The following ASTN1 variants were observed in gnomAD, a reference collection of about 807,000 sequenced individuals.
ASTN1 encodes the protein astrotactin 1.
ASTN1 carries 41 observed loss-of-function variants against 140.7 expected under a neutral mutation model. That is an observed-to-expected ratio of 0.29 (90% confidence interval 0.23 to 0.38). The LOEUF (loss-of-function observed/expected upper bound fraction) is 0.38, where lower values mean the gene tolerates loss of function less well. ASTN1 is among the 10% of genes least tolerant of loss of function. The probability of loss-of-function intolerance (pLI) is 1.00; values close to 1 mark genes in which losing one functional copy is unlikely to be tolerated. For synonymous variants in ASTN1, 640 were observed against 652.2 expected, an observed-to-expected ratio of 0.98 and a Z score of 0.29; for missense variants, 1,479 against 1,678.8, an observed-to-expected ratio of 0.88 and a Z score of 2.08.
In ASTN1 at chr1:176,869,045, G is replaced by A; in HGVS notation, c.3464-18C>T. On this transcript the variant is annotated intron_variant, in intron 21 of 22. Transcript: ENST00000361833. ...TGCTATTTCTGAGGAAGGAGGAAAA[G>A]GAAAATAAGTTATTTACATATATAT... 7 of 1,529,748 alleles carry A rather than the reference G, an allele frequency of 4.6e-6. No individual in the cohort carries two copies. Among genetic ancestry groups the A allele is most frequent in the South Asian group, 1.3e-5 (1 of 76,632 alleles). The allele number at this position is 1,529,748 out of a possible 1,614,324, so 94.8% of individuals were successfully genotyped here. A position where few individuals can be genotyped will look rare whatever the true frequency, so the allele number is the denominator to read the frequency against.
intron 16 of ASTN1, among the ~76,000 whole-genome samples, chr1:176,918,942 C>T (rs941613016): frequency 6.6e-6 from 1 of 152,158 alleles, no homozygotes; most frequent in Non-Finnish European, 1.5e-5. Flanking sequence ...CTGGCCATTT[C>T]CTCTTCCTGA....
At chr1:177,067,849 A>G (rs1678441831) in intron 1 of ASTN1, among the ~76,000 whole-genome samples, 1 of 152,156 alleles carries the variant, frequency 6.6e-6, no homozygotes, top group Non-Finnish European at 1.5e-5. Flanking sequence ...GAGAGGAGGA[A>G]CAAAGTCAGG....
At chr1:176,925,909 C>T (rs1445417218) in intron 16 of ASTN1, among the ~76,000 whole-genome samples, 3 of 151,706 alleles carry the variant, frequency 2.0e-5, no homozygotes, top group African/African-American at 7.3e-5. Flanking sequence ...GGGTTCATGC[C>T]ATTCTCTTGC....
At position 176,863,052 on chromosome 1, in the gene ASTN1, C is replaced by G. The variant is rs1668018517; in HGVS notation, c.*1232G>C. 3 of 985,498 alleles carry G rather than the reference C, an allele frequency of 3.0e-6. No individual in the cohort carries two copies. Among genetic ancestry groups the G allele is most frequent in the Non-Finnish European group, 3.6e-6 (3 of 829,964 alleles). 61.0% of individuals were successfully genotyped at this position (985,498 alleles called of 1,614,324 possible). On this transcript the variant is annotated 3_prime_UTR_variant, in exon 23 of 23. Coordinates refer to ENST00000361833, the MANE Select transcript of ASTN1 (RefSeq NM_004319.3). Reference sequence around the variant, plus strand: ...AAGGCTGGGCTTCCTGTTGGCTGGGCCACCATTCATGACCATGCCAATGCT... The same window carrying G: ...AAGGCTGGGCTTCCTGTTGGCTGGGGCACCATTCATGACCATGCCAATGCT...
intron 13 of ASTN1, 49 bp downstream of exon 13, chr1:176,945,877 A>G: frequency 2.0e-6 from 3 of 1,519,506 alleles, no homozygotes; most frequent in Non-Finnish European, 2.7e-6. Flanking sequence ...TCTTTAGAGA[A>G]AGTCCACCAA....
intron 17 of ASTN1, among the ~76,000 whole-genome samples, chr1:176,888,449 T>C (rs1227355051): frequency 2.6e-5 from 4 of 152,216 alleles, no homozygotes; most frequent in African/African-American, 9.7e-5. Context: ...GGTAATGGGC[T>C]GCCACTTTGG....
chr1:176,897,800 C>A (rs1223385931), intron 16 of ASTN1, among the ~76,000 whole-genome samples: 4 of 152,098 alleles, frequency 2.6e-5, no homozygotes, highest in Non-Finnish European at 5.9e-5. Flanking sequence ...GGGAAAATAA[C>A]CCCTACCCCC....
intron 8 of ASTN1, among the ~76,000 whole-genome samples, chr1:177,003,775 G>A (rs1279675864): frequency 6.6e-6 from 1 of 150,970 alleles, no homozygotes; most frequent in Admixed American, 6.6e-5. Flanking sequence ...TTGCCCCACT[G>A]CACTCCAGCC....
rs904736512 is a variant in ASTN1 at position 177,055,233 on chromosome 1, C to T, written c.471+5845G>A. On this transcript the variant is annotated intron_variant, in intron 2 of 22. Coordinates refer to ENST00000361833, the MANE Select transcript of ASTN1 (RefSeq NM_004319.3). The stretch of plus-strand genomic sequence containing the variant: ...TCTTTCTGCTACATCTCAGCTCTCA[C>T]TTTACTAGAATATGAAAGGGCACCA... 5.3e-5 allele frequency among the ~76,000 whole-genome samples: 8 copies of T among 152,226 alleles called. No individual in the cohort carries two copies. In the South Asian group the frequency reaches 1.7e-3, roughly 32 times the overall value.
At chr1:177,088,444 G>A (rs1156644760) in intron 1 of ASTN1, among the ~76,000 whole-genome samples, 1 of 152,130 alleles carries the variant, frequency 6.6e-6, no homozygotes, top group African/African-American at 2.4e-5. Flanking sequence ...GGTTGAAATA[G>A]CCCTGACATT....
At chr1:176,908,628 C>T (rs1182450098) in intron 16 of ASTN1, among the ~76,000 whole-genome samples, 1 of 152,124 alleles carries the variant, frequency 6.6e-6, no homozygotes, top group Non-Finnish European at 1.5e-5. Flanking sequence ...CCTTCAGTTG[C>T]CATATCTGTA....
intron 1 of ASTN1, among the ~76,000 whole-genome samples, chr1:177,118,127 G>T (rs957783385): frequency 3.9e-5 from 6 of 152,112 alleles, no homozygotes; most frequent in Non-Finnish European, 8.8e-5. Flanking sequence ...AATAGGACTT[G>T]TTCTTTTTGA....
chr1:176,922,556 CAAAAAAAAAAAAA>C (rs71129589), intron 16 of ASTN1, among the ~76,000 whole-genome samples: 1 of 77,614 alleles, frequency 1.3e-5, no homozygotes, highest in Admixed American at 1.7e-4. Flanking sequence ...GCCCCCACTG[CAAAAAAAAAAAAA>C]AAAAAAAAAA....
chr1:177,067,900 T>C (rs189167815), intron 1 of ASTN1, among the ~76,000 whole-genome samples: 1 of 151,308 alleles, frequency 6.6e-6, no homozygotes, highest in East Asian at 1.9e-4. Flanking sequence ...ACAATGGCCC[T>C]TGGACTGAGC....
At chr1:177,060,881 G>A (rs1215116089) in intron 2 of ASTN1, among the ~76,000 whole-genome samples, 197 bp downstream of exon 2, 1 of 152,142 alleles carries the variant, frequency 6.6e-6, no homozygotes, top group African/African-American at 2.4e-5. Flanking sequence ...TTGGGGAATG[G>A]TACTGTTAGA....
intron 1 of ASTN1, among the ~76,000 whole-genome samples, chr1:177,081,651 C>T (rs376268890): frequency 1.3e-5 from 2 of 152,088 alleles, no homozygotes; most frequent in Admixed American, 1.3e-4. Context: ...GCAGTGATGG[C>T]AGGGTGCCTT....
At chr1:177,110,403 C>A (rs1680766107) in intron 1 of ASTN1, among the ~76,000 whole-genome samples, 2 of 152,154 alleles carry the variant, frequency 1.3e-5, no homozygotes, top group Non-Finnish European at 2.9e-5. Context: ...GCTGGAGTGT[C>A]TAACATAACA....
At chr1:176,923,823 A>G (rs1159065058) in intron 16 of ASTN1, among the ~76,000 whole-genome samples, 2 of 152,232 alleles carry the variant, frequency 1.3e-5, no homozygotes, top group Non-Finnish European at 2.9e-5. Flanking sequence ...TGAAGTACTC[A>G]TCCCAAAAGA....
intron 9 of ASTN1, among the ~76,000 whole-genome samples, chr1:176,964,405 G>A (rs1672787823): frequency 1.3e-5 from 2 of 152,202 alleles, no homozygotes; most frequent in Non-Finnish European, 2.9e-5. Flanking sequence ...AAGGAACTCA[G>A]CAAATGTATG....
Sources: gnomAD v4.1 joint callset for allele counts (sites outside exome capture counted in the v4.1 genomes callset) on GRCh38, gnomAD v4.1.1 for gene constraint, MANE v1.5 for transcripts, NCBI Gene and HGNC (gene_info 2026-07-23, HGNC 2026-07-21) for gene names.